MTMR2: variants seen among roughly 807,000 people sequenced by gnomAD.
MTMR2 encodes the protein myotubularin related protein 2.
In MTMR2, 55 loss-of-function variants were observed where a neutral mutation model predicts 86.9. That is an observed-to-expected ratio of 0.63 (90% CI 0.51 to 0.79). The LOEUF is 0.79. Ranked by LOEUF, MTMR2 falls within the 30% of genes least tolerant of loss-of-function variation. The pLI, the probability that MTMR2 is intolerant of heterozygous loss-of-function variation, is 0.00. For missense variants in MTMR2, 659 were observed against 772.3 expected (o/e 0.85, Z 1.74); for synonymous variants, 241 against 266.8 (o/e 0.90, Z 0.94).
At chr11:95,868,005 C>G (rs1200825384) in intron 2 of MTMR2, among the ~76,000 whole-genome samples, 15 of 151,930 alleles carry the variant, frequency 9.9e-5, no homozygotes, top group Admixed American at 9.8e-4. Flanking sequence ...AGTGGCTCAG[C>G]CTATGCTCTC....
In MTMR2 at chr11:95,923,888, C is replaced by A. The variant is rs1225667280; in HGVS notation, c.67G>T (p.Asp23Tyr). The change falls in exon 1 of 15, where the codon GAC becomes TAC. Residue 23 changes from aspartate to tyrosine, a missense_variant. By Grantham distance (160) the Asp-to-Tyr change is radical. Coordinates refer to ENST00000346299, the MANE Select transcript of MTMR2 (RefSeq NM_016156.6). Reference sequence around the variant, plus strand: ...CGTCCTGGTTACCTGGACAAGGAGTCCACGCTGGGCGGCCGAGCCGCCGCC... The same window carrying A: ...CGTCCTGGTTACCTGGACAAGGAGTACACGCTGGGCGGCCGAGCCGCCGCC... ...QPAAARPPSV[D>Y]SLSSASTSHS... 1.0e-5 allele frequency: 16 copies of A among 1,555,656 alleles called. No homozygotes were observed. The South Asian group carries it at 1.7e-4, about 16-fold the overall frequency.
rs146572467 is a variant in MTMR2 at position 95,845,003 on chromosome 11, C to T, written c.1336G>A (p.Glu446Lys). 4.9e-4 allele frequency: 788 copies of T among 1,613,810 alleles called. 2 individuals carry two copies. The highest frequency in any genetic ancestry group is 1.3e-3 in the Admixed American group (80 of 59,976). ...AGCCATTCTTTCTCCACAAGGACTT[C>T]AAATCCTCGGATGGTTCGATAGTAT... ...DGYYRTIRGF[E>K]VLVEKEWLSF... The change falls in exon 11 of 15, where the codon GAA becomes AAA. Residue 446 changes from glutamate to lysine, a missense_variant. Physicochemically the swap from Glu to Lys is moderately conservative, Grantham distance 56. Transcript: ENST00000346299.
intron 1 of MTMR2, among the ~76,000 whole-genome samples, chr11:95,910,320 C>G (rs1418894637): frequency 1.3e-5 from 2 of 152,016 alleles, no homozygotes; most frequent in Non-Finnish European, 2.9e-5. Context: ...TTGTCAATCA[C>G]AGCAACACCT....
At chr11:95,863,186 G>T (rs1248326525) in intron 3 of MTMR2, among the ~76,000 whole-genome samples, 1 of 152,086 alleles carries the variant, frequency 6.6e-6, no homozygotes, top group African/African-American at 2.4e-5. Flanking sequence ...CACCAAATCA[G>T]CAGATAAAGG....
intron 1 of MTMR2, among the ~76,000 whole-genome samples, chr11:95,910,595 A>T (rs1167826138): frequency 2.0e-5 from 3 of 152,076 alleles, no homozygotes; most frequent in Non-Finnish European, 4.4e-5. Flanking sequence ...TTACAATAAG[A>T]TCTAAACCAC....
At chr11:95,901,500 A>T (rs1364375055) in intron 1 of MTMR2, among the ~76,000 whole-genome samples, 1 of 152,192 alleles carries the variant, frequency 6.6e-6, no homozygotes, top group Non-Finnish European at 1.5e-5. Context: ...GTGAAACCCC[A>T]TCCCTCCCCT....
At chr11:95,894,403 G>C (rs1865812551) in intron 1 of MTMR2, among the ~76,000 whole-genome samples, 1 of 152,158 alleles carries the variant, frequency 6.6e-6, no homozygotes, top group Non-Finnish European at 1.5e-5. Context: ...ACTGAAAGAA[G>C]AATACGTGGC....
intron 1 of MTMR2, among the ~76,000 whole-genome samples, chr11:95,900,587 C>A (rs1015197664): frequency 6.6e-6 from 1 of 152,136 alleles, no homozygotes; most frequent in African/African-American, 2.4e-5. Flanking sequence ...AATAAACTTA[C>A]CTATATCCAA....
At chr11:95,868,461 T>C (rs747758528) in intron 2 of MTMR2, among the ~76,000 whole-genome samples, 1 of 151,960 alleles carries the variant, frequency 6.6e-6, no homozygotes, top group Non-Finnish European at 1.5e-5. Flanking sequence ...ACAAATTGCA[T>C]TGGTTATTCA....
chr11:95,837,960 C>T, intron 13 of MTMR2, 134 bp downstream of exon 13: 1 of 684,652 alleles, frequency 1.5e-6, no homozygotes, highest in Non-Finnish European at 2.7e-6. Flanking sequence ...GAAGGAAGCC[C>T]TCAATATTAT....
At chr11:95,901,939 A>G (rs2135582190) in intron 1 of MTMR2, among the ~76,000 whole-genome samples, 1 of 152,316 alleles carries the variant, frequency 6.6e-6, no homozygotes, top group South Asian at 2.1e-4. Flanking sequence ...TGCATTCCAC[A>G]TGAGAAAGAT....
chr11:95,881,409 A>T (rs1286805872), intron 2 of MTMR2, among the ~76,000 whole-genome samples: 1 of 152,094 alleles, frequency 6.6e-6, no homozygotes, highest in Non-Finnish European at 1.5e-5. Flanking sequence ...CAAACTTTTG[A>T]ATTTTTTTGG....
chr11:95,866,069 GA>G, intron 2 of MTMR2, among the ~76,000 whole-genome samples: 1 of 150,048 alleles, frequency 6.7e-6, no homozygotes, highest in African/African-American at 2.5e-5. Context: ...AACTACAGTT[GA>G]ATGGATTCCA....
chr11:95,847,326 T>C (rs1188254864), intron 10 of MTMR2, among the ~76,000 whole-genome samples: 1 of 152,132 alleles, frequency 6.6e-6, no homozygotes, highest in Non-Finnish European at 1.5e-5. Flanking sequence ...GCAATATACG[T>C]TGGTTGACAC....
intron 7 of MTMR2, among the ~76,000 whole-genome samples, chr11:95,851,628 C>T (rs1234587229): frequency 1.3e-5 from 2 of 152,212 alleles, no homozygotes; most frequent in African/African-American, 2.4e-5. Context: ...TCCCAAAGTG[C>T]AGGGTCTCAT....
At chr11:95,868,958 AAAAG>A (rs1218668594) in intron 2 of MTMR2, among the ~76,000 whole-genome samples, 1 of 151,922 alleles carries the variant, frequency 6.6e-6, no homozygotes, top group African/African-American at 2.4e-5. Context: ...TAGAAAAAAA[AAAAG>A]AAAAAGAAAA....
chr11:95,906,726 TAAG>T (rs1218888530), intron 1 of MTMR2, among the ~76,000 whole-genome samples: 3 of 150,596 alleles, frequency 2.0e-5, no homozygotes, highest in South Asian at 2.1e-4. Flanking sequence ...AAATCAATAC[TAAG>T]AAGATCACTC....
intron 1 of MTMR2, among the ~76,000 whole-genome samples, chr11:95,892,946 T>C (rs1054099203): frequency 3.3e-5 from 5 of 152,158 alleles, no homozygotes; most frequent in African/African-American, 1.2e-4. Flanking sequence ...CGCCCAAAGA[T>C]GAAACAAGCA....
chr11:95,916,319 G>A (rs919004261), intron 1 of MTMR2, among the ~76,000 whole-genome samples: 2 of 151,990 alleles, frequency 1.3e-5, no homozygotes, highest in Admixed American at 6.6e-5. Flanking sequence ...GTTTACCTAC[G>A]TATGGCCATG....
Sources: gnomAD v4.1 joint callset for allele counts (sites outside exome capture counted in the v4.1 genomes callset) on GRCh38, gnomAD v4.1.1 for gene constraint, MANE v1.5 for transcripts, NCBI Gene and HGNC (gene_info 2026-07-23, HGNC 2026-07-21) for gene names.